SYT14: variants seen among roughly 807,000 people sequenced by gnomAD.
SYT14 encodes the protein synaptotagmin-14.
A neutral mutation model predicts 74.2 loss-of-function variants in SYT14; 32 were observed. The ratio of observed to expected loss-of-function variants is 0.43; its 90% CI spans 0.33 to 0.58. SYT14 has a LOEUF of 0.58. SYT14 is among the 20% of genes least tolerant of loss of function. The probability of loss-of-function intolerance (pLI) is 0.05; values close to 1 mark genes in which losing one functional copy is unlikely to be tolerated. For synonymous variants in SYT14, 298 were observed against 337.7 expected, an observed-to-expected ratio of 0.88 and a Z score of 1.29; for missense variants, 791 against 981.8, an observed-to-expected ratio of 0.81 and a Z score of 2.60.
intron 1 of SYT14, among the ~76,000 whole-genome samples, chr1:209,945,153 A>G (rs1316075218): frequency 1.3e-5 from 2 of 152,130 alleles, no homozygotes; most frequent in African/African-American, 2.4e-5. Flanking sequence ...CTCCCAATCC[A>G]TCAGAATTAG....
At chr1:210,142,399 G>T (rs552380026) in intron 7 of SYT14, among the ~76,000 whole-genome samples, 1 of 151,970 alleles carries the variant, frequency 6.6e-6, no homozygotes, top group African/African-American at 2.4e-5. Context: ...AGTTTTTTTT[G>T]ACAATGTTTG....
At chr1:210,107,715 TTATG>T (rs1478067842) in intron 7 of SYT14, among the ~76,000 whole-genome samples, 2 of 152,198 alleles carry the variant, frequency 1.3e-5, no homozygotes, top group African/African-American at 4.8e-5. Context: ...TCTATTAAAT[TTATG>T]TAAGGTAAAA....
chr1:210,124,254 AAT>A (rs1491045022), intron 7 of SYT14, among the ~76,000 whole-genome samples: 21 of 151,890 alleles, frequency 1.4e-4, no homozygotes, highest in African/African-American at 4.8e-4. Flanking sequence ...GAAAAAAAAA[AAT>A]AAATAAATAA....
At position 210,125,565 on chromosome 1, in the gene SYT14, G is replaced by C. The variant is rs191013227; in HGVS notation, c.2034+25104G>C. 8.9e-4 allele frequency among the ~76,000 whole-genome samples: 135 copies of C among 152,190 alleles called. 1 individual carries two copies. The highest frequency in any genetic ancestry group is 1.7e-3 in the Non-Finnish European group (117 of 68,000). On this transcript the variant is annotated intron_variant, in intron 7 of 9. Transcript: ENST00000637265. Reference sequence around the variant, plus strand: ...TTCCCACTACTTAGTAGCTCCTTTGGGGGATCAGCTTTTCAGTGTTCTAGG... The same window carrying C: ...TTCCCACTACTTAGTAGCTCCTTTGCGGGATCAGCTTTTCAGTGTTCTAGG...
chr1:210,074,085 A>G (rs927097384), intron 5 of SYT14, among the ~76,000 whole-genome samples: 1 of 152,176 alleles, frequency 6.6e-6, no homozygotes, highest in Non-Finnish European at 1.5e-5. Context: ...CAAGAACACT[A>G]AATAAAAAAT....
exon 10 of SYT14, chr1:210,168,916 C>T (rs1307626637): frequency 6.6e-6 from 1 of 152,150 alleles, no homozygotes; most frequent in African/African-American, 2.4e-5. Context: ...TCCCAGAACC[C>T]TGAAATAGGA....
intron 1 of SYT14, among the ~76,000 whole-genome samples, chr1:209,946,368 C>G (rs563455587): frequency 6.6e-6 from 1 of 152,308 alleles, no homozygotes; most frequent in African/African-American, 2.4e-5. Flanking sequence ...AGGAAAAGTT[C>G]TTGAAGGAAA....
chr1:210,161,239 G>T, exon 10 of SYT14: 2 of 691,638 alleles, frequency 2.9e-6, no homozygotes. Flanking sequence ...AGTAGAGCTT[G>T]TTTAGGAAAC....
intron 1 of SYT14, among the ~76,000 whole-genome samples, chr1:209,941,333 A>G (rs1222630365): frequency 1.3e-5 from 2 of 152,212 alleles, no homozygotes; most frequent in African/African-American, 2.4e-5. Context: ...ATATTAGGCA[A>G]AGTTACAATT....
chr1:210,071,840 T>C (rs573389533), intron 5 of SYT14, among the ~76,000 whole-genome samples: 3 of 152,100 alleles, frequency 2.0e-5, no homozygotes. Context: ...ACACTTAACC[T>C]TGAACAATCT....
exon 10 of SYT14, chr1:210,168,651 T>C (rs1475125978): frequency 3.3e-5 from 5 of 152,204 alleles, no homozygotes; most frequent in Non-Finnish European, 5.9e-5. Flanking sequence ...TTTTTCCTTA[T>C]CTCTGAGACT....
At chr1:210,146,308 G>A (rs890977436) in intron 7 of SYT14, among the ~76,000 whole-genome samples, 1 of 152,098 alleles carries the variant, frequency 6.6e-6, no homozygotes, top group Non-Finnish European at 1.5e-5. Flanking sequence ...GCTCCAGCCT[G>A]GGCAACAGAG....
chr1:210,120,377 T>TTTG (rs1553282508), intron 7 of SYT14, among the ~76,000 whole-genome samples: 2 of 122,434 alleles, frequency 1.6e-5, no homozygotes, highest in African/African-American at 1.1e-4. Context: ...TTTTTTTTTT[T>TTTG]TTGTTTGAGA....
intron 8 of SYT14, 27 bp from the exon 8 acceptor site, chr1:210,159,394 T>C: frequency 6.4e-7 from 1 of 1,550,570 alleles, no homozygotes. Context: ...ATTATTTCTT[T>C]TACTGCTTTC....
At chr1:209,990,527 A>ATATATATACG (rs1553262322) in intron 2 of SYT14, among the ~76,000 whole-genome samples, 8 of 12,798 alleles carry the variant, frequency 6.3e-4, no homozygotes, top group African/African-American at 1.5e-3. Context: ...TATTTCACAT[A>ATATATATACG]TATATATATA....
chr1:209,948,396 C>A (rs2078856289), intron 1 of SYT14, among the ~76,000 whole-genome samples: 1 of 152,168 alleles, frequency 6.6e-6, no homozygotes, highest in African/African-American at 2.4e-5. Flanking sequence ...TTCTCTTACA[C>A]CCCTTATGCC....
intron 5 of SYT14, among the ~76,000 whole-genome samples, chr1:210,039,971 G>T (rs565206968): frequency 6.6e-6 from 1 of 152,260 alleles, no homozygotes; most frequent in South Asian, 2.1e-4. Flanking sequence ...AGACAGTGTG[G>T]TGATTTCCTC....
chr1:210,167,329 A>C (rs2083466351), exon 10 of SYT14: 1 of 152,202 alleles, frequency 6.6e-6, no homozygotes, highest in Non-Finnish European at 1.5e-5. Context: ...TCTTCTCTAA[A>C]AGCAGTGATT....
chr1:210,035,219 A>C (rs963372700), intron 5 of SYT14, among the ~76,000 whole-genome samples: 3 of 151,854 alleles, frequency 2.0e-5, no homozygotes, highest in African/African-American at 7.2e-5. Flanking sequence ...TTCTTTTGCA[A>C]AATGTGTATT....
Sources: allele counts gnomAD v4.1 joint callset (sites outside exome capture counted in the v4.1 genomes callset), GRCh38; gene constraint gnomAD v4.1.1; transcripts MANE v1.5; gene names NCBI Gene and HGNC (gene_info 2026-07-23, HGNC 2026-07-21).